Variants in PLCB4 observed in about 807,000 individuals in gnomAD.
The protein encoded by PLCB4 is 1-phosphatidylinositol 4,5-bisphosphate phosphodiesterase beta-4.
Under a neutral mutation model 178.8 loss-of-function variants are expected in PLCB4, and 77 were observed. That is an observed-to-expected ratio of 0.43 (90% CI 0.36 to 0.52). PLCB4 has a LOEUF of 0.52. PLCB4 is among the 20% of genes least tolerant of loss of function. The pLI is 0.00. For synonymous variants in PLCB4, 496 were observed against 490.8 expected, an observed-to-expected ratio of 1.01 and a Z score of -0.14; for missense variants, 1,024 against 1,453.4, an observed-to-expected ratio of 0.70 and a Z score of 4.80.
At chr20:9,200,386 G>A (rs958708465) in intron 2 of PLCB4, among the ~76,000 whole-genome samples, 3 of 152,066 alleles carry the variant, frequency 2.0e-5, no homozygotes, top group African/African-American at 7.2e-5. Flanking sequence ...CTTTGACCAC[G>A]CCACTGTCAT....
intron 4 of PLCB4, among the ~76,000 whole-genome samples, chr20:9,335,826 C>A (rs892188670): frequency 9.2e-5 from 14 of 152,102 alleles, no homozygotes; most frequent in African/African-American, 3.4e-4. Context: ...GACAGCAGTA[C>A]AGAGCACACG....
chr20:9,087,126 C>T (rs569680978), intron 1 of PLCB4, among the ~76,000 whole-genome samples: 16 of 152,092 alleles, frequency 1.1e-4, no homozygotes, highest in Non-Finnish European at 1.8e-4. Flanking sequence ...AAATCTATTC[C>T]GATAATCTTT....
chr20:9,409,308 A>T, intron 24 of PLCB4, 127 bp downstream of exon 24: 1 of 604,770 alleles, frequency 1.7e-6, no homozygotes, highest in Non-Finnish European at 2.7e-6. Context: ...GCAATGTGTT[A>T]TTGGATTTAT....
At chr20:9,296,848 G>C (rs964951978) in intron 3 of PLCB4, among the ~76,000 whole-genome samples, 1 of 152,028 alleles carries the variant, frequency 6.6e-6, no homozygotes. Flanking sequence ...TCACACACAG[G>C]GGCCTGTTGT....
At chr20:9,352,975 C>T (rs1602047206) in intron 7 of PLCB4, among the ~76,000 whole-genome samples, 1 of 152,144 alleles carries the variant, frequency 6.6e-6, no homozygotes, top group East Asian at 1.9e-4. Context: ...ATCAATTTTA[C>T]TCTGTAGCTT....
At chr20:9,137,721 T>C (rs959139460) in intron 2 of PLCB4, among the ~76,000 whole-genome samples, 2 of 148,908 alleles carry the variant, frequency 1.3e-5, no homozygotes, top group African/African-American at 5.0e-5. Context: ...ATCCCTTTAA[T>C]GGGTTATAAT....
At chr20:9,234,149 G>C (rs1056232572) in intron 3 of PLCB4, among the ~76,000 whole-genome samples, 5 of 152,078 alleles carry the variant, frequency 3.3e-5, no homozygotes, top group Non-Finnish European at 7.4e-5. Context: ...TGACTCCCAG[G>C]GTGCCAGATT....
intron 3 of PLCB4, among the ~76,000 whole-genome samples, chr20:9,235,264 G>C (rs551014858): frequency 4.6e-5 from 7 of 152,136 alleles, no homozygotes; most frequent in Non-Finnish European, 8.8e-5. Context: ...AGGAAGTACA[G>C]TTGCTGGTGA....
At chr20:9,356,245 C>T (rs1469398574) in intron 7 of PLCB4, among the ~76,000 whole-genome samples, 1 of 151,960 alleles carries the variant, frequency 6.6e-6, no homozygotes, top group Non-Finnish European at 1.5e-5. Flanking sequence ...TTGTAGGTTG[C>T]CTGTTCACTC....
At chr20:9,187,510 C>T (rs547099104) in intron 2 of PLCB4, among the ~76,000 whole-genome samples, 22 of 152,212 alleles carry the variant, frequency 1.4e-4, no homozygotes, top group African/African-American at 4.8e-4. Context: ...GACTGTAAAC[C>T]CTCTGAGGGT....
chr20:9,290,647 T>A (rs1265331213), intron 3 of PLCB4, among the ~76,000 whole-genome samples: 1 of 152,182 alleles, frequency 6.6e-6, no homozygotes, highest in Non-Finnish European at 1.5e-5. Context: ...GTTCTAGAAA[T>A]GCCACTATGT....
intron 2 of PLCB4, among the ~76,000 whole-genome samples, chr20:9,175,198 A>G (rs2093134233): frequency 6.6e-6 from 1 of 152,138 alleles, no homozygotes; most frequent in East Asian, 1.9e-4. Context: ...CCAGAAATCT[A>G]TGTTTTAACA....
chr20:9,104,715 T>G (rs1460748762), intron 2 of PLCB4, among the ~76,000 whole-genome samples: 1 of 152,124 alleles, frequency 6.6e-6, no homozygotes, highest in Non-Finnish European at 1.5e-5. Context: ...TTGCCTTTGA[T>G]TATACTTTTT....
chr20:9,113,387 T>C (rs894027411), intron 2 of PLCB4, among the ~76,000 whole-genome samples: 1 of 152,206 alleles, frequency 6.6e-6, no homozygotes, highest in African/African-American at 2.4e-5. Flanking sequence ...ACATTCTGAT[T>C]GTGCAGAAGT....
intron 2 of PLCB4, among the ~76,000 whole-genome samples, chr20:9,155,841 C>T (rs1167730526): frequency 6.6e-6 from 1 of 152,170 alleles, no homozygotes; most frequent in Non-Finnish European, 1.5e-5. Context: ...ACCTCATAGA[C>T]TATACCTACA....
intron 3 of PLCB4, among the ~76,000 whole-genome samples, chr20:9,304,008 C>T (rs2094735388): frequency 6.6e-6 from 1 of 152,022 alleles, no homozygotes; most frequent in African/African-American, 2.4e-5. Flanking sequence ...CCACCTAAAT[C>T]TCCCTCTCTC....
intron 7 of PLCB4, among the ~76,000 whole-genome samples, chr20:9,353,870 T>C (rs933229092): frequency 2.6e-5 from 4 of 152,236 alleles, no homozygotes; most frequent in African/African-American, 4.8e-5. Flanking sequence ...GTCTGGTTTC[T>C]GTACTGGCCC....
At chr20:9,249,583 G>A (rs2094159250) in intron 3 of PLCB4, among the ~76,000 whole-genome samples, 1 of 152,110 alleles carries the variant, frequency 6.6e-6, no homozygotes, top group Non-Finnish European at 1.5e-5. Context: ...GAGATTACAG[G>A]CATGAGCCAC....
At chr20:9,215,357 C>T (rs973728866) in intron 2 of PLCB4, among the ~76,000 whole-genome samples, 9 of 152,040 alleles carry the variant, frequency 5.9e-5, no homozygotes, top group South Asian at 2.1e-4. Context: ...TAAACATGGG[C>T]GAGGGTGCCT....
Sources: gnomAD v4.1 joint callset for allele counts (sites outside exome capture counted in the v4.1 genomes callset) on GRCh38, gnomAD v4.1.1 for gene constraint, MANE v1.5 for transcripts, NCBI Gene and HGNC (gene_info 2026-07-23, HGNC 2026-07-21) for gene names.